CAB39L: variants seen among roughly 807,000 people sequenced by gnomAD.
The protein encoded by CAB39L is calcium-binding protein 39-like.
Under a neutral mutation model 39.1 loss-of-function variants are expected in CAB39L, and 23 were observed. The ratio of observed to expected loss-of-function variants is 0.59; its 90% CI spans 0.42 to 0.83. CAB39L has a LOEUF of 0.83. Among genes scored for constraint, CAB39L ranks in the 40% least tolerant of loss-of-function variants. CAB39L has a pLI of 0.00. For missense variants in CAB39L, 366 were observed against 391.9 expected, an observed-to-expected ratio of 0.93 and a Z score of 0.56; for synonymous variants, 126 against 137.2, an observed-to-expected ratio of 0.92 and a Z score of 0.57.
At chr13:49,386,495 G>T (rs1328712879) in intron 3 of CAB39L, among the ~76,000 whole-genome samples, 1 of 151,994 alleles carries the variant, frequency 6.6e-6, no homozygotes, top group Non-Finnish European at 1.5e-5. Context: ...GGGCAATGGG[G>T]TTATATAATG....
chr13:49,371,189 C>CTTT (rs386379129), intron 5 of CAB39L, among the ~76,000 whole-genome samples: 133 of 102,198 alleles, frequency 1.3e-3, no homozygotes, highest in Middle Eastern at 5.4e-3. Context: ...CTTTTTCTTT[C>CTTT]TTTTTTTTTT....
intron 9 of CAB39L, among the ~76,000 whole-genome samples, chr13:49,334,198 T>C (rs1243029638): frequency 6.6e-6 from 1 of 152,212 alleles, no homozygotes; most frequent in Non-Finnish European, 1.5e-5. Context: ...AAATGGTCTC[T>C]CCTTCAGTCC....
At chr13:49,375,525 T>C (rs1266647650) in intron 5 of CAB39L, among the ~76,000 whole-genome samples, 1 of 151,878 alleles carries the variant, frequency 6.6e-6, no homozygotes, top group South Asian at 2.1e-4. Flanking sequence ...AGAAAAAGAT[T>C]CTGAGCAAAC....
chr13:49,430,663 C>A (rs1957307225), intron 3 of CAB39L, among the ~76,000 whole-genome samples: 1 of 152,116 alleles, frequency 6.6e-6, no homozygotes, highest in Admixed American at 6.5e-5. Flanking sequence ...TTAGTTATTT[C>A]TTATTTTATC....
chr13:49,413,113 AAC>A (rs1278531746), intron 3 of CAB39L: 1 of 143,804 alleles, frequency 7.0e-6, no homozygotes, highest in African/African-American at 3.0e-5. Context: ...GTGAAAACAA[AAC>A]AAAACAAAAC....
intron 3 of CAB39L, among the ~76,000 whole-genome samples, chr13:49,417,727 T>A (rs191758067): frequency 1.6e-4 from 25 of 152,124 alleles, no homozygotes; most frequent in Non-Finnish European, 3.4e-4. Flanking sequence ...AAAACTGTAA[T>A]AGCCTCTTAT....
At chr13:49,368,582 A>C (rs1422039280) in intron 5 of CAB39L, among the ~76,000 whole-genome samples, 2 of 152,202 alleles carry the variant, frequency 1.3e-5, no homozygotes, top group Non-Finnish European at 2.9e-5. Flanking sequence ...TTTGATAATA[A>C]AGAAGCAACA....
At chr13:49,375,875 G>A (rs1370894084) in intron 5 of CAB39L, among the ~76,000 whole-genome samples, 3 of 152,018 alleles carry the variant, frequency 2.0e-5, no homozygotes, top group East Asian at 3.8e-4. Flanking sequence ...AATAAGGAAG[G>A]GAAAGAAAGA....
chr13:49,442,374 C>T (rs1410154706), intron 1 of CAB39L, among the ~76,000 whole-genome samples: 1 of 152,104 alleles, frequency 6.6e-6, no homozygotes, highest in Middle Eastern at 3.2e-3. Context: ...TCTCTATTTC[C>T]TTACAAGTTT....
At chr13:49,405,143 G>A (rs1956844950) in intron 3 of CAB39L, among the ~76,000 whole-genome samples, 1 of 151,972 alleles carries the variant, frequency 6.6e-6, no homozygotes, top group Non-Finnish European at 1.5e-5. Context: ...CTCAAACAAT[G>A]AAAGGTCAAG....
At chr13:49,443,493 G>T (rs578061479) in intron 1 of CAB39L, among the ~76,000 whole-genome samples, 2 of 152,244 alleles carry the variant, frequency 1.3e-5, no homozygotes, top group East Asian at 3.9e-4. Flanking sequence ...CCTCGAAAAG[G>T]ACGGAAGAGG....
intron 10 of CAB39L, among the ~76,000 whole-genome samples, chr13:49,320,129 G>A (rs1954301291): frequency 1.3e-5 from 2 of 152,068 alleles, no homozygotes; most frequent in African/African-American, 4.8e-5. Flanking sequence ...TGATTCCCTT[G>A]GGGCAGCCAG....
At chr13:49,406,571 T>C (rs1326584816) in intron 3 of CAB39L, among the ~76,000 whole-genome samples, 2 of 151,986 alleles carry the variant, frequency 1.3e-5, no homozygotes, top group Admixed American at 6.6e-5. Context: ...TGCATGCCTA[T>C]ATCAAAATAT....
chr13:49,333,861 C>A (rs1954780113), intron 9 of CAB39L, among the ~76,000 whole-genome samples: 1 of 152,046 alleles, frequency 6.6e-6, no homozygotes, highest in Non-Finnish European at 1.5e-5. Context: ...TGTGAGCCAC[C>A]ACACCCGGCC....
At chr13:49,354,927 G>A (rs1398220374) in intron 6 of CAB39L, among the ~76,000 whole-genome samples, 1 of 152,218 alleles carries the variant, frequency 6.6e-6, no homozygotes, top group Non-Finnish European at 1.5e-5. Context: ...ATTACATTAT[G>A]TAAGGGGGAA....
At chr13:49,365,923 C>A (rs540422058) in intron 5 of CAB39L, among the ~76,000 whole-genome samples, 2 of 151,846 alleles carry the variant, frequency 1.3e-5, no homozygotes, top group African/African-American at 4.8e-5. Context: ...TGAGAAAATG[C>A]GGATAAAGAA....
intron 3 of CAB39L, among the ~76,000 whole-genome samples, chr13:49,394,420 C>T (rs1956561424): frequency 6.6e-6 from 1 of 152,018 alleles, no homozygotes; most frequent in Non-Finnish European, 1.5e-5. Context: ...GCAACAGGCT[C>T]TCATTTCTTA....
chr13:49,365,108 C>T (rs1955738455), intron 5 of CAB39L, among the ~76,000 whole-genome samples: 1 of 152,040 alleles, frequency 6.6e-6, no homozygotes, highest in Admixed American at 6.5e-5. Flanking sequence ...ACACACAGAC[C>T]AATGGAACAG....
At position 49,431,163 on chromosome 13, in the gene CAB39L, T is replaced by C. The variant is rs1310105663; in HGVS notation, c.-32+2155A>G. 2.6e-5 allele frequency among the ~76,000 whole-genome samples: 4 copies of C among 152,350 alleles called. 1 individual carries two copies. Among genetic ancestry groups the C allele is most frequent in the South Asian group, 4.1e-4 (2 of 4,828 alleles). On this transcript the variant is annotated intron_variant, in intron 3 of 10. Coordinates refer to ENST00000409308, the MANE Select transcript of CAB39L (RefSeq NM_001079670.3). ...TGTCCCTTTGAATTCCTTTCCTCCC[T>C]TTCCTTGTTGTCTCCTCTGCATTTG...
Sources: gnomAD v4.1 joint callset for allele counts (sites outside exome capture counted in the v4.1 genomes callset) on GRCh38, gnomAD v4.1.1 for gene constraint, MANE v1.5 for transcripts, NCBI Gene and HGNC (gene_info 2026-07-23, HGNC 2026-07-21) for gene names.